Variants in SCP2 observed in about 807,000 individuals in gnomAD.
SCP2 encodes the protein sterol carrier protein 2.
In SCP2, 48 loss-of-function variants were observed where a neutral mutation model predicts 71.4. The ratio of observed to expected loss-of-function variants is 0.67; its 90% CI spans 0.53 to 0.86. The LOEUF (loss-of-function observed/expected upper bound fraction) is 0.86. SCP2 is among the 40% of genes least tolerant of loss of function. SCP2 has a pLI of 0.00. For missense variants in SCP2, 560 were observed against 655.6 expected (o/e 0.85, Z 1.59); for synonymous variants, 220 against 218.1 (o/e 1.01, Z -0.08).
At chr1:53,041,030 T>G (rs1663386816) in intron 14 of SCP2, among the ~76,000 whole-genome samples, 1 of 152,178 alleles carries the variant, frequency 6.6e-6, no homozygotes, top group Non-Finnish European at 1.5e-5. Context: ...TACTGTACTG[T>G]TATGCTTCTC....
intron 6 of SCP2, among the ~76,000 whole-genome samples, chr1:52,971,255 C>T (rs1657471579): frequency 1.3e-5 from 2 of 152,146 alleles, no homozygotes; most frequent in Non-Finnish European, 1.5e-5. Context: ...GGATTACAGG[C>T]GTGAGCCACC....
intron 11 of SCP2, chr1:52,994,653 G>GA: frequency 7.9e-6 from 4 of 507,376 alleles, no homozygotes; most frequent in South Asian, 1.8e-5. Flanking sequence ...AACTAGCAGA[G>GA]AAAAAAAGTT....
intron 4 of SCP2, among the ~76,000 whole-genome samples, chr1:52,952,881 A>C (rs1655443356): frequency 6.6e-6 from 1 of 151,878 alleles, no homozygotes; most frequent in Non-Finnish European, 1.5e-5. Context: ...ATCATATCCT[A>C]TGTTTCCATA....
chr1:53,037,900 A>AGTG (rs1663084103), intron 13 of SCP2, among the ~76,000 whole-genome samples: 1 of 114,856 alleles, frequency 8.7e-6, no homozygotes, highest in African/African-American at 4.3e-5. Flanking sequence ...ACACACACAC[A>AGTG]CACACACACA....
intron 11 of SCP2, among the ~76,000 whole-genome samples, chr1:53,006,694 A>ATT (rs1467117589): frequency 4.6e-5 from 7 of 152,352 alleles, no homozygotes; most frequent in Non-Finnish European, 8.8e-5. Context: ...TGTAAAGATC[A>ATT]TTGATGCTAG....
At chr1:53,039,779 C>A (rs141804216) in intron 14 of SCP2, among the ~76,000 whole-genome samples, 1 of 152,316 alleles carries the variant, frequency 6.6e-6, no homozygotes, top group African/African-American at 2.4e-5. Context: ...TAGTCCCATG[C>A]TTTGAAACAG....
At chr1:52,999,895 C>T (rs559241350) in intron 11 of SCP2, among the ~76,000 whole-genome samples, 1 of 146,834 alleles carries the variant, frequency 6.8e-6, no homozygotes, top group African/African-American at 2.5e-5. Context: ...CAGCTCATTG[C>T]AACCTCTGCC....
At chr1:52,948,212 A>G (rs1024195471) in intron 3 of SCP2, 132 bp downstream of exon 3, 8 of 686,154 alleles carry the variant, frequency 1.2e-5, no homozygotes, top group Non-Finnish European at 2.1e-5. Context: ...TGTATTGAAG[A>G]AAAAAGAAAA....
At chr1:53,032,609 A>G (rs1290366186) in intron 13 of SCP2, among the ~76,000 whole-genome samples, 3 of 152,184 alleles carry the variant, frequency 2.0e-5, no homozygotes, top group Non-Finnish European at 4.4e-5. Context: ...GAGGAAGAGA[A>G]AGTGGCTGGA....
At chr1:52,942,694 GTTTTTT>G (rs147939561) in intron 2 of SCP2, among the ~76,000 whole-genome samples, 97 of 120,554 alleles carry the variant, frequency 8.0e-4, no homozygotes, top group African/African-American at 2.8e-3. Flanking sequence ...AATTTAACAG[GTTTTTT>G]TTTTTTTTTT....
chr1:52,997,607 A>T (rs1397011237), intron 11 of SCP2, among the ~76,000 whole-genome samples: 1 of 152,202 alleles, frequency 6.6e-6, no homozygotes, highest in Non-Finnish European at 1.5e-5. Context: ...CAGAAAATAG[A>T]TTAGTGGTTG....
intron 11 of SCP2, chr1:52,994,267 G>T (rs1322005736): frequency 1.0e-6 from 1 of 1,000,704 alleles, no homozygotes; most frequent in African/African-American, 1.7e-5. Flanking sequence ...TGTGTGTAAA[G>T]AAGTGACTTA....
chr1:52,995,776 G>T, intron 11 of SCP2: 1 of 797,430 alleles, frequency 1.3e-6, no homozygotes, highest in Non-Finnish European at 2.3e-6. Context: ...ATGGCTTCAA[G>T]ATGGCGGTCA....
chr1:53,042,364 C>T (rs965069419), intron 14 of SCP2, among the ~76,000 whole-genome samples: 1 of 150,386 alleles, frequency 6.6e-6, no homozygotes, highest in African/African-American at 2.5e-5. Flanking sequence ...TCTCCTTTTC[C>T]TCCTATTTTG....
chr1:52,945,499 C>T (rs1222135669), intron 2 of SCP2, among the ~76,000 whole-genome samples: 1 of 152,044 alleles, frequency 6.6e-6, no homozygotes, highest in African/African-American at 2.4e-5. Flanking sequence ...GTCAAGGGTT[C>T]GAGACCATCC....
In SCP2 at chr1:52,961,609, A is replaced by G; in HGVS notation, c.503A>G (p.Lys168Arg). The change falls in exon 6 of 16, where the codon AAA becomes AGA. Residue 168 changes from lysine to arginine, a missense_variant. Physicochemically the swap from Lys to Arg is conservative, Grantham distance 26 (BLOSUM62 2). Around this residue, in one of 3 missense-constraint regions of SCP2, gnomAD observed 513 missense variants for 573.1 expected, o/e 0.90. Coordinates refer to ENST00000371514, the MANE Select transcript of SCP2 (RefSeq NM_002979.5). ...VAPQMFGYAGKEHMEKYGTKI... is the reference protein window; with the variant it reads ...VAPQMFGYAGREHMEKYGTKI... The stretch of plus-strand genomic sequence containing the variant: ...CCTCAGATGTTTGGGTATGCTGGAA[A>G]AGAACATATGGAAAAATATGGTATG... The G allele has an allele frequency of 1.2e-6, 2 of 1,613,960 alleles. No individual in the cohort carries two copies. Among genetic ancestry groups the G allele is most frequent in the Non-Finnish European group, 1.7e-6 (2 of 1,179,884 alleles).
At chr1:52,989,241 C>T (rs950818022) in intron 11 of SCP2, among the ~76,000 whole-genome samples, 1 of 152,176 alleles carries the variant, frequency 6.6e-6, no homozygotes, top group Middle Eastern at 3.4e-3. Context: ...TGGGAAGTGG[C>T]AAAATAACAA....
rs530971723 is a variant in SCP2 at position 52,956,132 on chromosome 1, G to A, written c.396+1328G>A. Among the ~76,000 whole-genome samples the A allele has an allele frequency of 2.9e-3, 444 of 152,148 alleles. 1 individual carries two copies. Among genetic ancestry groups the A allele is most frequent in the African/African-American group, 0.01 (422 of 41,520 alleles). On this transcript the variant is annotated intron_variant, in intron 5 of 15. Coordinates refer to ENST00000371514, the MANE Select transcript of SCP2 (RefSeq NM_002979.5). ...CAGCCTGGCCAACATGGCAAAACCC[G>A]TCTCTACTAAAAATACAAAAAATTA...
intron 12 of SCP2, among the ~76,000 whole-genome samples, chr1:53,015,868 A>T (rs17107564): frequency 0.016 from 2,441 of 152,274 alleles, 77 homozygotes; most frequent in African/African-American, 0.056. Context: ...GGCCACCAGG[A>T]TCTAAATGAA....
Sources: allele counts gnomAD v4.1 joint callset (sites outside exome capture counted in the v4.1 genomes callset), GRCh38; gene constraint gnomAD v4.1.1; regional missense constraint gnomAD v4.1.1; transcripts MANE v1.5; gene names NCBI Gene and HGNC (gene_info 2026-07-23, HGNC 2026-07-21).